The following RAB11A variants were observed in gnomAD, a reference collection of about 807,000 sequenced individuals.
The protein encoded by RAB11A is RAB11A, member RAS oncogene family, also known as ras-related protein Rab-11A.
RAB11A carries 9 observed loss-of-function variants against 28.0 expected under a neutral mutation model. The observed-to-expected ratio is 0.32, with a 90% confidence interval of 0.19 to 0.56. RAB11A has a LOEUF of 0.56. RAB11A is among the 20% of genes least tolerant of loss of function. The pLI is 0.91. For missense variants in RAB11A, 108 were observed against 269.6 expected, an observed-to-expected ratio of 0.40 and a Z score of 4.20; for synonymous variants, 85 against 88.2, an observed-to-expected ratio of 0.96 and a Z score of 0.20.
intron 4 of RAB11A, among the ~76,000 whole-genome samples, chr15:65,882,366 ACT>A (rs1474860362): frequency 6.6e-6 from 1 of 152,128 alleles, no homozygotes; most frequent in East Asian, 1.9e-4. Flanking sequence ...AAGAGGACAG[ACT>A]CTTTATTGCA....
chr15:65,885,624 G>A (rs375828499), intron 4 of RAB11A, among the ~76,000 whole-genome samples: 2 of 152,092 alleles, frequency 1.3e-5, no homozygotes. Context: ...CTTTCACGAG[G>A]TCCAAACGAT....
intron 3 of RAB11A, among the ~76,000 whole-genome samples, chr15:65,878,816 A>G (rs772823223): frequency 3.3e-4 from 51 of 152,376 alleles, no homozygotes; most frequent in Non-Finnish European, 3.8e-4. Context: ...TATGGCTACA[A>G]CATACGGAAT....
chr15:65,879,078 C>T (rs1033855293), intron 3 of RAB11A, among the ~76,000 whole-genome samples: 17 of 151,370 alleles, frequency 1.1e-4, no homozygotes, highest in South Asian at 2.1e-4. Flanking sequence ...ACTGCAGCCT[C>T]GACCTCCTGG....
chr15:65,889,382 CTG>C lies in RAB11A; in HGVS notation c.*1544_*1545del, dbSNP rs2078273320. ...TGCTACTTTGTATTTTATGCATGCT[CTG>C]TAATTTGATTTTTTTTTAGTTATTG... On this transcript the variant is annotated 3_prime_UTR_variant, in exon 5 of 5. Transcript: ENST00000261890. The C allele has an allele frequency of 6.6e-6, 1 of 152,158 alleles. No homozygotes were observed. The highest frequency in any genetic ancestry group is 2.4e-5 in the African/African-American group (1 of 41,508). 9.4% of individuals were successfully genotyped at this position (152,158 alleles called of 1,614,324 possible). A position where few individuals can be genotyped will look rare whatever the true frequency, so the allele number is the denominator to read the frequency against.
Position 65,890,232 on chromosome 15 carries a change from T to C in RAB11A, c.*2392T>C, listed in dbSNP as rs1212718263. On this transcript the variant is annotated 3_prime_UTR_variant, in exon 5 of 5. Coordinates refer to ENST00000261890, the MANE Select transcript of RAB11A (RefSeq NM_004663.5). ...GCCACCACGACTGGCTAATTTTTTG[T>C]ATTTTTAGTAGAGACGGGGTTTCAC... is the stretch of plus-strand genomic sequence containing the variant. 1 of 152,296 alleles carries C rather than the reference T, an allele frequency of 6.6e-6. No individual in the cohort carries two copies. The highest frequency in any genetic ancestry group is 6.6e-5 in the Admixed American group (1 of 15,260). 9.4% of individuals were successfully genotyped at this position (152,296 alleles called of 1,614,324 possible).
intron 3 of RAB11A, among the ~76,000 whole-genome samples, chr15:65,879,311 T>C (rs906165524): frequency 5.9e-5 from 9 of 152,094 alleles, no homozygotes; most frequent in Non-Finnish European, 1.0e-4. Context: ...CATGCCCAGC[T>C]CTCTTGCTAT....
chr15:65,890,776 C>G lies in RAB11A; in HGVS notation c.*2936C>G, dbSNP rs1434655792. 1.3e-5 allele frequency: 2 copies of G among 152,084 alleles called. No homozygotes were observed. Among genetic ancestry groups the G allele is most frequent in the African/African-American group, 4.8e-5 (2 of 41,400 alleles). The allele number at this position is 152,084 out of a possible 1,614,324, so 9.4% of individuals were successfully genotyped here. On this transcript the variant is annotated 3_prime_UTR_variant, in exon 5 of 5. Transcript: ENST00000261890. ...GTACTATTTAGACAGTTTTGGCCAA[C>G]ACTAGAAGCAAAAGAATTCAAAGGC...
intron 4 of RAB11A, among the ~76,000 whole-genome samples, chr15:65,884,347 AAGTGTAAATTATG>A: frequency 6.6e-6 from 1 of 152,306 alleles, no homozygotes; most frequent in Non-Finnish European, 1.5e-5. Context: ...CTTCTTTTTC[AAGTGTAAATTATG>A]TGTGTAAATT....
At chr15:65,872,958 A>G (rs2078171927) in intron 1 of RAB11A, among the ~76,000 whole-genome samples, 1 of 152,202 alleles carries the variant, frequency 6.6e-6, no homozygotes, top group African/African-American at 2.4e-5. Flanking sequence ...CAAATGCAAT[A>G]GTTGAGGGAA....
rs1365580450 is a variant in RAB11A, at chr15:65,889,579, A to G, written c.*1739A>G. On this transcript the variant is annotated 3_prime_UTR_variant, in exon 5 of 5. Coordinates refer to ENST00000261890, the MANE Select transcript of RAB11A (RefSeq NM_004663.5). ...TTGAATTGGGAGCATCAGTGTGTGA[A>G]TTCAGCTTTGATTTTAGAACTGCAG... 1 of 152,158 alleles carries G rather than the reference A, an allele frequency of 6.6e-6. No homozygotes were observed. Among genetic ancestry groups the G allele is most frequent in the East Asian group, 1.9e-4 (1 of 5,196 alleles). 9.4% of individuals were successfully genotyped at this position (152,158 alleles called of 1,614,324 possible).
intron 1 of RAB11A, among the ~76,000 whole-genome samples, chr15:65,874,287 CGCGATTTCAGCTTACT>C (rs1271399128): frequency 2.7e-5 from 4 of 149,896 alleles, no homozygotes; most frequent in South Asian, 2.1e-4. Context: ...AGTGCAATGG[CGCGATTTCAGCTTACT>C]GCGATTTCAG....
rs2141104981 is a variant in RAB11A, at chr15:65,879,684, G to A, written c.444G>A (p.Leu148=). ...GTCTCCCCTCAGAAAAGAATGGTTTGTCATTCATTGAAACTTCGGCCCTAG... is the reference window on the plus strand; with the variant it reads ...GTCTCCCCTCAGAAAAGAATGGTTTATCATTCATTGAAACTTCGGCCCTAG... ...EARAFAEKNG[L]SFIETSALDS... is the part of the protein sequence containing the mutation. The change falls in exon 4 of 5, where the codon TTG becomes TTA. Residue 148 remains leucine, a synonymous_variant. Transcript: ENST00000261890. 2 of 1,594,610 alleles carry A rather than the reference G, an allele frequency of 1.3e-6. No homozygotes were observed. Among genetic ancestry groups the A allele is most frequent in the Non-Finnish European group, 1.7e-6 (2 of 1,164,044 alleles).
intron 4 of RAB11A, among the ~76,000 whole-genome samples, chr15:65,885,274 C>T (rs1266381270): frequency 6.6e-6 from 1 of 151,678 alleles, no homozygotes; most frequent in African/African-American, 2.4e-5. Flanking sequence ...AGGCGGGTGC[C>T]ACCCCACCTG....
At chr15:65,878,632 A>G (rs1461128171) in intron 3 of RAB11A, among the ~76,000 whole-genome samples, 1 of 152,216 alleles carries the variant, frequency 6.6e-6, no homozygotes, top group Non-Finnish European at 1.5e-5. Context: ...GAGCCGAGAT[A>G]GCGCCACTGC....
At chr15:65,878,334 G>A (rs1345442938) in intron 3 of RAB11A, among the ~76,000 whole-genome samples, 3 of 152,168 alleles carry the variant, frequency 2.0e-5, no homozygotes, top group African/African-American at 7.2e-5. Context: ...CGTGTCTCTT[G>A]CCCCTGTTCT....
At chr15:65,886,663 C>T (rs2078257721) in intron 4 of RAB11A, among the ~76,000 whole-genome samples, 1 of 152,164 alleles carries the variant, frequency 6.6e-6, no homozygotes, top group East Asian at 1.9e-4. Flanking sequence ...TAAGACCAAA[C>T]GTGTTACATA....
In RAB11A at chr15:65,888,851, G is replaced by C. The variant is rs2078269743; in HGVS notation, c.*1011G>C. ...TAGAATATAGTCCAGTTAAATCTTT[G>C]GTTTCAGTATGTCTGAAGAGTACAG... is the stretch of plus-strand genomic sequence containing the variant. On this transcript the variant is annotated 3_prime_UTR_variant, in exon 5 of 5. Transcript: ENST00000261890. The C allele has an allele frequency of 1.3e-5, 2 of 152,412 alleles. No homozygotes were observed. Among genetic ancestry groups the C allele is most frequent in the Non-Finnish European group, 2.9e-5 (2 of 68,002 alleles). The allele number at this position is 152,412 out of a possible 1,614,324, so 9.4% of individuals were successfully genotyped here. A position where few individuals can be genotyped will look rare whatever the true frequency, so the allele number is the denominator to read the frequency against.
chr15:65,891,116 C>T lies in RAB11A; in HGVS notation c.*3276C>T, dbSNP rs1338901114. The T allele has an allele frequency of 6.6e-6, 1 of 152,128 alleles. No individual in the cohort carries two copies. Among genetic ancestry groups the T allele is most frequent in the African/African-American group, 2.4e-5 (1 of 41,422 alleles). 9.4% of individuals were successfully genotyped at this position (152,128 alleles called of 1,614,324 possible). ...TGGTTGGGTGGTGCTGGTGCCACGC[C>T]CCTTTCTGGGATTTGACAAGTCTTT... On this transcript the variant is annotated 3_prime_UTR_variant, in exon 5 of 5. Transcript: ENST00000261890.
chr15:65,881,235 A>C (rs1237359048), intron 4 of RAB11A, among the ~76,000 whole-genome samples: 1 of 152,198 alleles, frequency 6.6e-6, no homozygotes, highest in African/African-American at 2.4e-5. Flanking sequence ...GCAAGATTTG[A>C]TTAAATATGT....
Sources: gnomAD v4.1 joint callset for allele counts (sites outside exome capture counted in the v4.1 genomes callset) on GRCh38, gnomAD v4.1.1 for gene constraint, MANE v1.5 for transcripts, NCBI Gene and HGNC (gene_info 2026-07-23, HGNC 2026-07-21) for gene names.